ADAMTS6: variants seen among roughly 807,000 people sequenced by gnomAD.
ADAMTS6 encodes the protein A disintegrin and metalloproteinase with thrombospondin motifs 6.
A neutral mutation model predicts 144.3 loss-of-function variants in ADAMTS6; 23 were observed. The ratio of observed to expected loss-of-function variants is 0.16; its 90% CI spans 0.11 to 0.23. The LOEUF (loss-of-function observed/expected upper bound fraction) is 0.23. Among genes scored for constraint, ADAMTS6 ranks in the 10% least tolerant of loss-of-function variants. ADAMTS6 has a pLI of 1.00. For synonymous variants in ADAMTS6, 444 were observed against 457.5 expected (o/e 0.97, Z 0.38); for missense variants, 999 against 1,379.6 (o/e 0.72, Z 4.37).
intron 15 of ADAMTS6, among the ~76,000 whole-genome samples, chr5:65,234,371 A>G (rs1197817027): frequency 6.6e-6 from 1 of 150,780 alleles, no homozygotes; most frequent in Non-Finnish European, 1.5e-5. Context: ...GAAAATACCC[A>G]AAACATATAA....
intron 7 of ADAMTS6, among the ~76,000 whole-genome samples, chr5:65,448,151 A>G: frequency 6.6e-6 from 1 of 151,252 alleles, no homozygotes; most frequent in South Asian, 2.1e-4. Flanking sequence ...TAAATAATTT[A>G]AATATGCTCT....
chr5:65,224,935 A>G lies in ADAMTS6; in HGVS notation c.2180T>C (p.Leu727Pro). The G allele has an allele frequency of 6.2e-7, 1 of 1,613,706 alleles. No individual in the cohort carries two copies. Among genetic ancestry groups the G allele is most frequent in the South Asian group, 1.1e-5 (1 of 90,998 alleles). The change falls in exon 17 of 25, where the codon CTG becomes CCG. Residue 727 changes from leucine (L) to proline (P), a missense_variant. Physicochemically the swap from Leu to Pro is moderately conservative, Grantham distance 98 (BLOSUM62 -3). Around this residue, in one of 3 missense-constraint regions of ADAMTS6, gnomAD observed 619 missense variants for 837.0 expected, o/e 0.74. Coordinates refer to ENST00000381055, the MANE Select transcript of ADAMTS6 (RefSeq NM_197941.4). ...CTCTACATACTCACCTCCCCTGGGC[A>G]GTGAATCATTGAAGAACCCTTCAAT... ...DAIEGFFNDS[L>P]PRGGYMEVVQ... is the part of the protein sequence containing the mutation.
intron 7 of ADAMTS6, among the ~76,000 whole-genome samples, chr5:65,398,152 G>A (rs189556558): frequency 1.6e-4 from 25 of 152,212 alleles, no homozygotes; most frequent in African/African-American, 3.4e-4. Flanking sequence ...GCTGATTGAC[G>A]GTGTTGTTGA....
chr5:65,267,938 C>A (rs921854283), intron 12 of ADAMTS6, among the ~76,000 whole-genome samples: 2 of 152,178 alleles, frequency 1.3e-5, no homozygotes, highest in Non-Finnish European at 2.9e-5. Flanking sequence ...GCTAAAGCTA[C>A]ATTTCAGCCC....
At chr5:65,332,312 T>TAGAGAGAGAG (rs10673039) in intron 8 of ADAMTS6, among the ~76,000 whole-genome samples, 2 of 102,090 alleles carry the variant, frequency 2.0e-5, no homozygotes, top group African/African-American at 3.4e-5. Flanking sequence ...TATATATATA[T>TAGAGAGAGAG]AGAGAGAGAG....
intron 7 of ADAMTS6, among the ~76,000 whole-genome samples, chr5:65,371,997 C>T (rs1229094950): frequency 2.0e-5 from 3 of 152,006 alleles, no homozygotes; most frequent in African/African-American, 7.3e-5. Flanking sequence ...AATTTTCAAC[C>T]CCGAATTTCA....
chr5:65,164,501 G>A (rs1325531237), intron 24 of ADAMTS6, among the ~76,000 whole-genome samples: 14 of 138,484 alleles, frequency 1.0e-4, no homozygotes, highest in African/African-American at 2.7e-4. Flanking sequence ...CAAAGCAGCC[G>A]GGAAGCTCGA....
chr5:65,359,622 A>G (rs368553198), intron 7 of ADAMTS6, among the ~76,000 whole-genome samples: 2 of 152,188 alleles, frequency 1.3e-5, no homozygotes, highest in African/African-American at 4.8e-5. Context: ...CTAATTGTCT[A>G]TCTATGATTA....
chr5:65,356,455 C>T (rs934770262), intron 7 of ADAMTS6, among the ~76,000 whole-genome samples: 3 of 151,746 alleles, frequency 2.0e-5, no homozygotes, highest in Non-Finnish European at 4.4e-5. Context: ...TATTCTTTCC[C>T]TCTTGTTTAT....
intron 14 of ADAMTS6, among the ~76,000 whole-genome samples, chr5:65,257,105 C>T (rs1231853466): frequency 1.3e-5 from 2 of 148,930 alleles, no homozygotes; most frequent in Admixed American, 1.4e-4. Flanking sequence ...GCAGGGATTA[C>T]AGGCCTGAGC....
chr5:65,265,127 T>C (rs1478940332), intron 12 of ADAMTS6, among the ~76,000 whole-genome samples: 1 of 152,074 alleles, frequency 6.6e-6, no homozygotes, highest in Non-Finnish European at 1.5e-5. Context: ...AGTTAACATT[T>C]CCTTGGCTGT....
intron 24 of ADAMTS6, among the ~76,000 whole-genome samples, chr5:65,160,205 C>T (rs1443870051): frequency 6.6e-6 from 1 of 151,986 alleles, no homozygotes; most frequent in Non-Finnish European, 1.5e-5. Flanking sequence ...TCAGTAGCCT[C>T]GTACTATGAG....
chr5:65,391,982 C>T lies in ADAMTS6; in HGVS notation c.1074-57897G>A, dbSNP rs138514939. 1.8e-3 allele frequency among the ~76,000 whole-genome samples: 277 copies of T among 152,172 alleles called. 1 individual carries two copies. The highest frequency in any genetic ancestry group is 6.4e-3 in the African/African-American group (266 of 41,524). On this transcript the variant is annotated intron_variant, in intron 7 of 24. Transcript: ENST00000381055. ...AACTCCTGATCTCAAGTGATCCACC[C>T]GTCTCGGCCTCCCAAAGTGCTGAGA...
At chr5:65,265,419 G>C (rs561605431) in intron 12 of ADAMTS6, among the ~76,000 whole-genome samples, 1 of 152,162 alleles carries the variant, frequency 6.6e-6, no homozygotes, top group South Asian at 2.1e-4. Context: ...AATTGCATCA[G>C]ATCTGCACCT....
chr5:65,183,656 T>A (rs1037025253), intron 22 of ADAMTS6, among the ~76,000 whole-genome samples: 7 of 142,222 alleles, frequency 4.9e-5, no homozygotes, highest in African/African-American at 1.9e-4. Flanking sequence ...AAAATAAAAA[T>A]AAAAAAATAA....
At chr5:65,454,737 G>A (rs577497325) in intron 4 of ADAMTS6, among the ~76,000 whole-genome samples, 12 of 152,112 alleles carry the variant, frequency 7.9e-5, no homozygotes, top group Admixed American at 2.0e-4. Flanking sequence ...GTGAACTGAC[G>A]CTGGCATCTG....
intron 20 of ADAMTS6, among the ~76,000 whole-genome samples, chr5:65,199,191 A>G (rs892187742): frequency 3.3e-5 from 5 of 152,176 alleles, no homozygotes; most frequent in Non-Finnish European, 7.3e-5. Flanking sequence ...CATCCAAAAC[A>G]TATCTTGGTT....
At chr5:65,342,682 G>A (rs376942064) in intron 7 of ADAMTS6, among the ~76,000 whole-genome samples, 2 of 152,058 alleles carry the variant, frequency 1.3e-5, no homozygotes, top group African/African-American at 2.4e-5. Flanking sequence ...GCTCAACATA[G>A]TACTAGAAGT....
intron 7 of ADAMTS6, among the ~76,000 whole-genome samples, chr5:65,367,336 C>T (rs182571166): frequency 5.9e-5 from 9 of 152,244 alleles, no homozygotes; most frequent in East Asian, 3.9e-4. Context: ...TACTCCAACC[C>T]TAGAGCCTTG....
Sources: allele counts gnomAD v4.1 joint callset (sites outside exome capture counted in the v4.1 genomes callset), GRCh38; gene constraint gnomAD v4.1.1; regional missense constraint gnomAD v4.1.1; transcripts MANE v1.5; gene names NCBI Gene and HGNC (gene_info 2026-07-23, HGNC 2026-07-21).